The following KIF26B variants were observed in gnomAD, a reference collection of about 807,000 sequenced individuals.
KIF26B encodes the protein kinesin-like protein KIF26B.
KIF26B carries 63 observed loss-of-function variants against 151.2 expected under a neutral mutation model. That is an observed-to-expected ratio of 0.42 (90% CI 0.34 to 0.51). The LOEUF (loss-of-function observed/expected upper bound fraction) is 0.51. Ranked by LOEUF, KIF26B falls within the 20% of genes least tolerant of loss-of-function variation. The probability of loss-of-function intolerance (pLI) is 0.07; values close to 1 mark genes in which losing one functional copy is unlikely to be tolerated. For synonymous variants in KIF26B, 1,357 were observed against 1,262.1 expected (o/e 1.08, Z -1.59); for missense variants, 2,813 against 2,913.6 (o/e 0.97, Z 0.79).
rs796986632 is a variant in KIF26B, at chr1:245,375,348, A to T, written c.999+7981A>T. 6.6e-6 allele frequency among the ~76,000 whole-genome samples: 1 copy of T among 152,206 alleles called. No homozygotes were observed. Among genetic ancestry groups the T allele is most frequent in the South Asian group, 2.1e-4 (1 of 4,808 alleles). ...TGCCTCAGCCTCCCAAAGTGCTGGGATTACAGGTATGAACCACCACATCCG... is the reference window on the plus strand; with the variant it reads ...TGCCTCAGCCTCCCAAAGTGCTGGGTTTACAGGTATGAACCACCACATCCG... On this transcript the variant is annotated intron_variant, in intron 3 of 14. Coordinates refer to ENST00000407071, the MANE Select transcript of KIF26B (RefSeq NM_018012.4). The surrounding 1 kb of genome is among the most constrained non-coding windows in gnomAD (Gnocchi z 4.2).
chr1:245,586,412 T>C (rs1387555784), intron 5 of KIF26B, among the ~76,000 whole-genome samples: 1 of 152,192 alleles, frequency 6.6e-6, no homozygotes, highest in Non-Finnish European at 1.5e-5. Flanking sequence ...TGGAGTTTTG[T>C]GATTACAGAG....
At chr1:245,232,401 T>A (rs982570818) in intron 2 of KIF26B, among the ~76,000 whole-genome samples, 3 of 152,200 alleles carry the variant, frequency 2.0e-5, no homozygotes, top group African/African-American at 7.2e-5. Context: ...TTGTAGTTCT[T>A]ACAAACATTA....
intron 2 of KIF26B, among the ~76,000 whole-genome samples, chr1:245,351,837 A>G (rs1164074025): frequency 6.6e-6 from 1 of 151,988 alleles, no homozygotes; most frequent in African/African-American, 2.4e-5. Context: ...GTAATACACC[A>G]TAAAGGTTGA....
chr1:245,579,656 A>G (rs945709912), intron 5 of KIF26B, among the ~76,000 whole-genome samples: 1 of 123,936 alleles, frequency 8.1e-6, no homozygotes, highest in Non-Finnish European at 1.6e-5. Flanking sequence ...CTAAAAATAC[A>G]AAAAACAAAC....
At chr1:245,684,165 G>C (rs2044475951) in intron 10 of KIF26B, 68 bp from the exon 11 acceptor site, 3 of 1,544,298 alleles carry the variant, frequency 1.9e-6, no homozygotes, top group South Asian at 1.2e-5. Flanking sequence ...GTGCAGGCCT[G>C]AAGCCCTGCC....
intron 4 of KIF26B, among the ~76,000 whole-genome samples, chr1:245,533,869 C>T (rs1661433248): frequency 6.6e-6 from 1 of 152,016 alleles, no homozygotes; most frequent in African/African-American, 2.4e-5. Context: ...GCACTTAAAG[C>T]CATTGAATCC....
chr1:245,490,935 A>C (rs1660396524), intron 4 of KIF26B, among the ~76,000 whole-genome samples: 1 of 152,224 alleles, frequency 6.6e-6, no homozygotes, highest in African/African-American at 2.4e-5. Context: ...TGGAGAAATC[A>C]AAACAGTGCA....
intron 5 of KIF26B, among the ~76,000 whole-genome samples, chr1:245,600,865 G>A (rs957972946): frequency 1.1e-4 from 16 of 152,270 alleles, no homozygotes; most frequent in Admixed American, 3.9e-4. Context: ...TGGGGGCTCT[G>A]AGAAGTGTGA....
chr1:245,219,414 T>C (rs61832175), intron 2 of KIF26B, among the ~76,000 whole-genome samples: 57,910 of 151,562 alleles, frequency 0.38, 12,334 homozygotes, highest in East Asian at 0.61. Context: ...CCACTGCGCC[T>C]AGTCTGCTCT....
At chr1:245,450,905 A>G (rs1659375702) in intron 4 of KIF26B, among the ~76,000 whole-genome samples, 1 of 152,232 alleles carries the variant, frequency 6.6e-6, no homozygotes, top group Admixed American at 6.5e-5. Context: ...ATGAATTTTA[A>G]GATGAATTTT....
At chr1:245,463,675 G>A (rs1181791437) in intron 4 of KIF26B, among the ~76,000 whole-genome samples, 1 of 152,170 alleles carries the variant, frequency 6.6e-6, no homozygotes, top group Non-Finnish European at 1.5e-5. Flanking sequence ...CTGTCCTGTG[G>A]TGCAGCTGCT....
chr1:245,368,744 G>A (rs1178259472), intron 3 of KIF26B, among the ~76,000 whole-genome samples: 1 of 152,206 alleles, frequency 6.6e-6, no homozygotes, highest in East Asian at 1.9e-4. Context: ...CAGGAAATGA[G>A]GGAAGATAGA....
At chr1:245,517,088 G>A (rs1214345019) in intron 4 of KIF26B, among the ~76,000 whole-genome samples, 2 of 152,248 alleles carry the variant, frequency 1.3e-5, no homozygotes, top group African/African-American at 4.8e-5. Flanking sequence ...GGATGGGGCC[G>A]GGTGTGGTGG....
intron 2 of KIF26B, among the ~76,000 whole-genome samples, chr1:245,192,759 A>G (rs562341253): frequency 2.0e-5 from 3 of 152,296 alleles, no homozygotes; most frequent in East Asian, 1.9e-4. Flanking sequence ...GACTTCTTCT[A>G]TGTATTTATT....
At chr1:245,373,509 G>T (rs567209494) in intron 3 of KIF26B, among the ~76,000 whole-genome samples, 65 of 152,326 alleles carry the variant, frequency 4.3e-4, no homozygotes, top group South Asian at 1.5e-3. Context: ...AAATTCAGAA[G>T]ATGTTAGCTT....
chr1:245,527,524 C>CTTTTTT (rs548422038), intron 4 of KIF26B, among the ~76,000 whole-genome samples: 10,240 of 50,454 alleles, frequency 0.2, 3,335 homozygotes, highest in Non-Finnish European at 0.25. Context: ...TTTGGGATGG[C>CTTTTTT]TTTTTTTTTT....
At chr1:245,605,720 G>A (rs2043444979) in intron 6 of KIF26B, among the ~76,000 whole-genome samples, 1 of 152,088 alleles carries the variant, frequency 6.6e-6, no homozygotes. Context: ...GCAGCAAGGG[G>A]CCTCCGGGGC....
rs753704969 is a variant in KIF26B, at chr1:245,218,546, A to C, written c.465+61863A>C. Reference sequence around the variant, plus strand: ...AATCCGCCGGGAGATCTGAATATCAACTCTCTATGGAAGAACAAGAACCGA... The same window carrying C: ...AATCCGCCGGGAGATCTGAATATCACCTCTCTATGGAAGAACAAGAACCGA... On this transcript the variant is annotated intron_variant, in intron 2 of 14. Coordinates refer to ENST00000407071, the MANE Select transcript of KIF26B (RefSeq NM_018012.4). The surrounding 1 kb of genome is among the most constrained non-coding windows in gnomAD (Gnocchi z 4.1). Among the ~76,000 whole-genome samples, 1 of 151,970 alleles carries C rather than the reference A, an allele frequency of 6.6e-6. No individual in the cohort carries two copies. The highest frequency in any genetic ancestry group is 2.4e-5 in the African/African-American group (1 of 41,344).
Position 245,688,393 on chromosome 1 carries a change from G to T in KIF26B, c.5410G>T (p.Val1804Phe). ...GGCCTCCAAGCTTCCCCTGCGGGCC[G>T]TCAGCGGGCGCATCTCGGAGCTGCT... ...GLASKLPLRA[V>F]SGRISELLQG... The change falls in exon 12 of 15, where the codon GTC becomes TTC. Residue 1804 changes from valine (V) to phenylalanine (F), a missense_variant. By Grantham distance (50) the Val-to-Phe change is conservative. Around this residue, in one of 3 missense-constraint regions of KIF26B, gnomAD observed 2,060 missense variants for 2,088.6 expected, o/e 0.99. Coordinates refer to ENST00000407071, the MANE Select transcript of KIF26B (RefSeq NM_018012.4). The T allele has an allele frequency of 1.3e-6, 2 of 1,515,178 alleles. No homozygotes were observed. The highest frequency in any genetic ancestry group is 1.8e-6 in the Non-Finnish European group (2 of 1,138,724). The allele number at this position is 1,515,178 out of a possible 1,614,324, so 93.9% of individuals were successfully genotyped here. A position where few individuals can be genotyped will look rare whatever the true frequency, so the allele number is the denominator to read the frequency against.
Sources: gnomAD v4.1 joint callset for allele counts (sites outside exome capture counted in the v4.1 genomes callset) on GRCh38, gnomAD v4.1.1 for gene constraint, gnomAD v4.1.1 regional missense constraint, Gnocchi (gnomAD v3.1) non-coding constraint, MANE v1.5 for transcripts, NCBI Gene and HGNC (gene_info 2026-07-23, HGNC 2026-07-21) for gene names.